The following CDC42BPA variants were observed in gnomAD, a reference collection of about 807,000 sequenced individuals.
CDC42BPA encodes the protein serine/threonine-protein kinase MRCK alpha.
In CDC42BPA, 80 loss-of-function variants were observed where a neutral mutation model predicts 223.5. That is an observed-to-expected ratio of 0.36 (90% CI 0.30 to 0.43). The LOEUF (loss-of-function observed/expected upper bound fraction) is 0.43. Among genes scored for constraint, CDC42BPA ranks in the 20% least tolerant of loss-of-function variants. The pLI is 1.00. For synonymous variants in CDC42BPA, 694 were observed against 718.6 expected (o/e 0.97, Z 0.55); for missense variants, 1,743 against 2,099.9 (o/e 0.83, Z 3.32).
At position 227,030,430 on chromosome 1, in the gene CDC42BPA, A is replaced by C; in HGVS notation, c.3816T>G (p.Phe1272Leu). Residue 1272 changes from phenylalanine to leucine, a missense_variant, in exon 29 of 37, where the codon TTT (phenylalanine) becomes TTG (leucine). Around this residue, in one of 6 missense-constraint regions of CDC42BPA, gnomAD observed 678 missense variants for 777.5 expected, o/e 0.87. Coordinates refer to ENST00000366766, the MANE Select transcript of CDC42BPA (RefSeq NM_001394014.1). The part of the protein sequence containing the change: ...RIALGNEEGL[F>L]VVHVTKDEII... ...TACCATCTTTGGTGACATGTACAAC[A>C]AATAACCCTTCTTCGTTTCCCAAAG... The C allele has an allele frequency of 6.2e-7, 1 of 1,602,460 alleles. No individual in the cohort carries two copies. The highest frequency in any genetic ancestry group is 8.5e-7 in the Non-Finnish European group (1 of 1,174,962).
At chr1:227,073,747 A>C (rs2149077857) in intron 19 of CDC42BPA, 117 bp downstream of exon 19, 1 of 744,362 alleles carries the variant, frequency 1.3e-6, no homozygotes, top group East Asian at 2.8e-5. Context: ...TCTTTGTAAC[A>C]TATTTGGCCA....
At chr1:227,033,495 T>C in intron 26 of CDC42BPA, 80 bp from the exon 27 acceptor site, 1 of 851,214 alleles carries the variant, frequency 1.2e-6, no homozygotes, top group Non-Finnish European at 2.0e-6. Context: ...AAATAACACA[T>C]ACCCAAAGCT....
chr1:227,258,788 T>C (rs1357979568), intron 1 of CDC42BPA, among the ~76,000 whole-genome samples: 1 of 151,182 alleles, frequency 6.6e-6, no homozygotes, highest in African/African-American at 2.5e-5. Flanking sequence ...AGATATGTTC[T>C]TAAAAATTAT....
chr1:227,185,709 A>G (rs543053924), intron 5 of CDC42BPA, among the ~76,000 whole-genome samples: 65 of 151,154 alleles, frequency 4.3e-4, no homozygotes, highest in African/African-American at 1.6e-3. Context: ...TCTCTTGCCT[A>G]TTAAACTCCC....
chr1:227,004,892 T>G (rs779538765), intron 35 of CDC42BPA, 102 bp downstream of exon 35: 1 of 831,344 alleles, frequency 1.2e-6, no homozygotes, highest in Non-Finnish European at 2.2e-6. Flanking sequence ...GAGAATGCAA[T>G]GGGCACACGT....
intron 21 of CDC42BPA, among the ~76,000 whole-genome samples, chr1:227,062,639 G>A (rs1473845770): frequency 6.6e-6 from 1 of 152,092 alleles, no homozygotes; most frequent in African/African-American, 2.4e-5. Context: ...CCTTCTGAAT[G>A]TCCATAGTAC....
rs540903492 is a variant in CDC42BPA, at chr1:227,199,488, C to A, written c.450+69G>T. The A allele has an allele frequency of 2.2e-4, 197 of 909,200 alleles. No homozygotes were observed. The African/African-American group carries it at 3.0e-3, about 14-fold the overall frequency. 56.3% of individuals were successfully genotyped at this position (909,200 alleles called of 1,614,324 possible). On this transcript the variant is annotated intron_variant, in intron 4 of 36. Transcript: ENST00000366766. The stretch of plus-strand genomic sequence containing the variant: ...ATATGAAACCTACATTTAAACAATG[C>A]TTAAATAAAAATAATGCTAATTCTT...
chr1:227,015,041 A>G (rs929873133), intron 34 of CDC42BPA, among the ~76,000 whole-genome samples: 3 of 151,980 alleles, frequency 2.0e-5, no homozygotes, highest in African/African-American at 7.2e-5. Flanking sequence ...CCGCAGCCTC[A>G]AACTCCTGGG....
chr1:227,302,489 T>C (rs1395898957), intron 1 of CDC42BPA, among the ~76,000 whole-genome samples: 2 of 152,164 alleles, frequency 1.3e-5, no homozygotes, highest in African/African-American at 2.4e-5. Context: ...GGCCAAAGAG[T>C]TTCTGATTCT....
chr1:227,023,401 T>C, intron 31 of CDC42BPA, 54 bp from the exon 32 acceptor site: 4 of 975,470 alleles, frequency 4.1e-6, no homozygotes, highest in African/African-American at 3.3e-5. Context: ...AATTAAATTA[T>C]AAAACTTTTG....
At chr1:227,212,145 A>G (rs1674034593) in intron 3 of CDC42BPA, among the ~76,000 whole-genome samples, 1 of 151,658 alleles carries the variant, frequency 6.6e-6, no homozygotes, top group Non-Finnish European at 1.5e-5. Flanking sequence ...CCAAAATGTT[A>G]TTAGTTCTGG....
intron 21 of CDC42BPA, chr1:227,069,507 TA>T (rs1469681977): frequency 8.0e-6 from 2 of 250,786 alleles, no homozygotes; most frequent in Non-Finnish European, 1.5e-5. Context: ...GTTCTGCTCT[TA>T]ATGTTTCTTA....
Position 226,994,507 on chromosome 1 carries a change from T to C in CDC42BPA, c.5134-108A>G, listed in dbSNP as rs531027018. 9.1e-6 allele frequency: 12 copies of C among 1,314,346 alleles called. No homozygotes were observed. The highest frequency in any genetic ancestry group is 1.6e-5 in the South Asian group (1 of 61,928). 81.4% of individuals were successfully genotyped at this position (1,314,346 alleles called of 1,614,324 possible). Reference sequence around the variant, plus strand: ...CAGCCACCCTGACCAAATAACCCCATGGGGCGGCCTCACTGTCGGTATAAA... The same window carrying C: ...CAGCCACCCTGACCAAATAACCCCACGGGGCGGCCTCACTGTCGGTATAAA... On this transcript the variant is annotated intron_variant, in intron 36 of 36. Transcript: ENST00000366766. This position sits in a 1 kb window ranked among gnomAD's most constrained non-coding sequence, Gnocchi z 4.0.
At chr1:227,066,739 G>C (rs1677173395) in intron 21 of CDC42BPA, among the ~76,000 whole-genome samples, 1 of 152,090 alleles carries the variant, frequency 6.6e-6, no homozygotes, top group Admixed American at 6.5e-5. Context: ...CAGAAAGGGA[G>C]GGAACCAGCT....
At position 227,292,535 on chromosome 1, in the gene CDC42BPA, G is replaced by T. The variant is rs112246491; in HGVS notation, c.178+24470C>A. On this transcript the variant is annotated intron_variant, in intron 1 of 36. Transcript: ENST00000366766. ...TATTAACAAAAGTCTCAACTACAAA[G>T]TTCACTGAATTAAAATCATCTTTAT... Among the ~76,000 whole-genome samples, 955 of 152,164 alleles carry T rather than the reference G, an allele frequency of 6.3e-3. 14 individuals are homozygous for T. Among genetic ancestry groups the T allele is most frequent in the African/African-American group, 0.022 (910 of 41,534 alleles).
At chr1:227,094,907 C>T (rs983422971) in intron 15 of CDC42BPA, among the ~76,000 whole-genome samples, 1 of 152,148 alleles carries the variant, frequency 6.6e-6, no homozygotes, top group African/African-American at 2.4e-5. Context: ...CCTGGTCAGC[C>T]ACCCACAAAG....
At chr1:227,265,188 A>G in intron 1 of CDC42BPA, 1 of 647,030 alleles carries the variant, frequency 1.5e-6, no homozygotes, top group South Asian at 1.7e-5. Flanking sequence ...CAGCACAAAC[A>G]CCAAAGCGTG....
chr1:227,133,574 C>T (rs9426547), intron 10 of CDC42BPA, among the ~76,000 whole-genome samples: 39,939 of 152,076 alleles, frequency 0.26, 5,288 homozygotes, highest in African/African-American at 0.27. Flanking sequence ...CGTGTCTGTG[C>T]AGAGAGAAGT....
intron 2 of CDC42BPA, among the ~76,000 whole-genome samples, chr1:227,218,118 C>A (rs73094365): frequency 0.03 from 4,569 of 152,164 alleles, 203 homozygotes; most frequent in African/African-American, 0.1. Flanking sequence ...GGTGTATATA[C>A]ATGCAAAGTT....
Sources: allele counts gnomAD v4.1 joint callset (sites outside exome capture counted in the v4.1 genomes callset), GRCh38; gene constraint gnomAD v4.1.1; regional missense constraint gnomAD v4.1.1; non-coding constraint Gnocchi (gnomAD v3.1); transcripts MANE v1.5; gene names NCBI Gene and HGNC (gene_info 2026-07-23, HGNC 2026-07-21).